Variants in OR2C1 observed in about 807,000 individuals in gnomAD.
OR2C1 encodes the protein olfactory receptor 2C1.
For synonymous variants in OR2C1, 209 were observed against 167.3 expected, an observed-to-expected ratio of 1.25 and a Z score of -1.92; for missense variants, 468 against 388.3, an observed-to-expected ratio of 1.21 and a Z score of -1.73.
At chr16:3,338,972 C>A in the OR2C1 span, among the ~76,000 whole-genome samples, 1 of 152,074 alleles carries the variant, frequency 6.6e-6, no homozygotes, top group Non-Finnish European at 1.5e-5. Context: ...TTTTAATCAC[C>A]CTGAAAGAAA....
chr16:3,333,763 C>T, the OR2C1 span, among the ~76,000 whole-genome samples: 1 of 152,182 alleles, frequency 6.6e-6, no homozygotes, highest in Non-Finnish European at 1.5e-5. Flanking sequence ...ACAAAAATAT[C>T]TTTGCCTAGA....
At chr16:3,346,338 G>T in the OR2C1 span, among the ~76,000 whole-genome samples, 972 of 152,188 alleles carry the variant, frequency 6.4e-3, 6 homozygotes, top group African/African-American at 0.022. Flanking sequence ...AATAGGAAAA[G>T]GTAACCAACC....
At chr16:3,327,481 A>G in the OR2C1 span, among the ~76,000 whole-genome samples, 2 of 151,896 alleles carry the variant, frequency 1.3e-5, no homozygotes, top group Admixed American at 1.3e-4. Context: ...TGACCAAAAA[A>G]CTTTACTGAC....
At chr16:3,333,211 A>ATTTTTTTTTTTTTTTTTTTTTTTTT in the OR2C1 span, among the ~76,000 whole-genome samples, 6 of 65,804 alleles carry the variant, frequency 9.1e-5, no homozygotes, top group Non-Finnish European at 1.4e-4. Context: ...TCTTTTGCCC[A>ATTTTTTTTTTTTTTTTTTTTTTTTT]TTTTTTTTTT....
At chr16:3,340,642 A>G in the OR2C1 span, among the ~76,000 whole-genome samples, 1 of 152,136 alleles carries the variant, frequency 6.6e-6, no homozygotes, top group African/African-American at 2.4e-5. Flanking sequence ...TGGGGGTCCA[A>G]CTTGATTCTT....
the OR2C1 span, among the ~76,000 whole-genome samples, chr16:3,329,169 G>GACACACACAC: frequency 0.066 from 7,553 of 115,042 alleles, 439 homozygotes; most frequent in East Asian, 0.14. Flanking sequence ...TGGGAGGGAA[G>GACACACACAC]ACACACACAC....
upstream of OR2C1, among the ~76,000 whole-genome samples, chr16:3,354,692 A>G (rs2150851684): frequency 6.6e-6 from 1 of 152,348 alleles, no homozygotes; most frequent in East Asian, 1.9e-4. Flanking sequence ...TTAACAGAAA[A>G]TTCTGGGGAG....
At chr16:3,351,887 C>CTTT (rs35692577), upstream of OR2C1, among the ~76,000 whole-genome samples, 6 of 124,602 alleles carry the variant, frequency 4.8e-5, no homozygotes, top group African/African-American at 1.4e-4. Context: ...AGCATTTAGT[C>CTTT]TTTTTTTTTT....
chr16:3,354,023 G>T (rs146655365), upstream of OR2C1, among the ~76,000 whole-genome samples: 1,323 of 132,014 alleles, frequency 0.01, 16 homozygotes, highest in African/African-American at 0.036. Context: ...TAGCTCTGTT[G>T]CCCAGGCTGA....
At chr16:3,357,511 G>T (rs2030701348), downstream of OR2C1, among the ~76,000 whole-genome samples, 1 of 152,082 alleles carries the variant, frequency 6.6e-6, no homozygotes. Context: ...GGGACTATAG[G>T]CACATGCTAC....
rs1429179040 is a variant in OR2C1, at chr16:3,356,935, ACTCT to A, written c.*61_*64del. On this transcript the variant is annotated 3_prime_UTR_variant, in exon 1 of 1. Coordinates refer to ENST00000304936, the MANE Select transcript of OR2C1 (RefSeq NM_012368.3). The stretch of plus-strand genomic sequence containing the variant: ...TCATCTCTACATGCGTTTCTCATTA[ACTCT>A]CTCTGGCCAGGTGAACATGAGGAAT... The A allele has an allele frequency of 7.3e-7, 1 of 1,379,240 alleles. No individual in the cohort carries two copies. Among genetic ancestry groups the A allele is most frequent in the Non-Finnish European group, 9.8e-7 (1 of 1,024,098 alleles). 85.4% of individuals were successfully genotyped at this position (1,379,240 alleles called of 1,614,324 possible). A position where few individuals can be genotyped will look rare whatever the true frequency, so the allele number is the denominator to read the frequency against.
At chr16:3,334,640 A>G in the OR2C1 span, among the ~76,000 whole-genome samples, 1 of 150,848 alleles carries the variant, frequency 6.6e-6, no homozygotes, top group South Asian at 2.1e-4. Context: ...CAGCCTTCCC[A>G]TTGTATATTC....
At position 3,356,488 on chromosome 16, in the gene OR2C1, C is replaced by A; in HGVS notation, c.548C>A (p.Ala183Asp). ...GAGGGATTCCTCTGCGAGGTGCCTG[C>A]CATGATCAAACTGGCCTGTGGCGAC... is the stretch of plus-strand genomic sequence containing the variant. ...RVEGFLCEVP[A>D]MIKLACGDTS... Residue 183 changes from alanine to aspartate, a missense_variant, in exon 1 of 1, where the codon GCC becomes GAC. By Grantham distance (126) the Ala-to-Asp change is moderately radical. Coordinates refer to ENST00000304936, the MANE Select transcript of OR2C1 (RefSeq NM_012368.3). The A allele has an allele frequency of 6.2e-7, 1 of 1,614,122 alleles. No individual in the cohort carries two copies. The highest frequency in any genetic ancestry group is 8.5e-7 in the Non-Finnish European group (1 of 1,180,048).
upstream of OR2C1, among the ~76,000 whole-genome samples, chr16:3,354,987 A>G (rs2030637041): frequency 6.6e-6 from 1 of 151,610 alleles, no homozygotes. Context: ...CTAATGGTCA[A>G]CTCTCTCTAT....
At chr16:3,354,618 C>A (rs1428843312), upstream of OR2C1, among the ~76,000 whole-genome samples, 1 of 152,226 alleles carries the variant, frequency 6.6e-6, no homozygotes, top group African/African-American at 2.4e-5. Context: ...CAAACATCAT[C>A]TTTCTAGATC....
At chr16:3,334,459 G>T in the OR2C1 span, among the ~76,000 whole-genome samples, 10 of 150,338 alleles carry the variant, frequency 6.7e-5, no homozygotes, top group Non-Finnish European at 1.3e-4. Context: ...TTAAGTTTTT[G>T]TACAGACAGG....
chr16:3,356,959 A>G lies in OR2C1; in HGVS notation c.*80A>G. The G allele has an allele frequency of 1.6e-6, 2 of 1,233,964 alleles. No individual in the cohort carries two copies. Among genetic ancestry groups the G allele is most frequent in the Non-Finnish European group, 2.2e-6 (2 of 897,546 alleles). 76.4% of individuals were successfully genotyped at this position (1,233,964 alleles called of 1,614,324 possible). ...AACTCTCTCTGGCCAGGTGAACATG[A>G]GGAATACTAATTCCGGTAAAACCAA... is the stretch of plus-strand genomic sequence containing the variant. On this transcript the variant is annotated 3_prime_UTR_variant, in exon 1 of 1. Transcript: ENST00000304936.
At chr16:3,331,137 A>G in the OR2C1 span, among the ~76,000 whole-genome samples, 2 of 152,274 alleles carry the variant, frequency 1.3e-5, no homozygotes, top group East Asian at 1.9e-4. Flanking sequence ...CTGATGGCCA[A>G]TGATGGTGAG....
At chr16:3,331,534 G>A in the OR2C1 span, among the ~76,000 whole-genome samples, 2 of 150,764 alleles carry the variant, frequency 1.3e-5, no homozygotes, top group Admixed American at 1.3e-4. Flanking sequence ...TAACGTTTAA[G>A]TCTTTAATCC....
Sources: gnomAD v4.1 joint callset for allele counts (sites outside exome capture counted in the v4.1 genomes callset) on GRCh38, gnomAD v4.1.1 for gene constraint, MANE v1.5 for transcripts, NCBI Gene and HGNC (gene_info 2026-07-23, HGNC 2026-07-21) for gene names.